The following ATRNL1 variants were observed in gnomAD, a reference collection of about 807,000 sequenced individuals.
ATRNL1 encodes attractin-like protein 1.
In ATRNL1, 95 loss-of-function variants were observed where a neutral mutation model predicts 182.7. The observed-to-expected ratio is 0.52, with a 90% CI of 0.44 to 0.62. The LOEUF (loss-of-function observed/expected upper bound fraction) is 0.62. Ranked by LOEUF, ATRNL1 falls within the 20% of genes least tolerant of loss-of-function variation. ATRNL1 has a pLI of 0.00. For synonymous variants in ATRNL1, 576 were observed against 568.3 expected (o/e 1.01, Z -0.19); for missense variants, 1,471 against 1,679.5 (o/e 0.88, Z 2.17).
chr10:115,171,407 C>A (rs782308398), intron 8 of ATRNL1, 115 bp downstream of exon 8: 4 of 905,504 alleles, frequency 4.4e-6, no homozygotes, highest in South Asian at 6.4e-5. Flanking sequence ...AAATTATAAG[C>A]TGATAATTAA....
chr10:115,227,709 A>G (rs1174618880), intron 9 of ATRNL1, among the ~76,000 whole-genome samples: 1 of 152,226 alleles, frequency 6.6e-6, no homozygotes, highest in Non-Finnish European at 1.5e-5. Flanking sequence ...AATGTGGTAC[A>G]TACATACCAC....
intron 21 of ATRNL1, among the ~76,000 whole-genome samples, chr10:115,447,363 A>G (rs1384489509): frequency 1.3e-5 from 2 of 151,574 alleles, no homozygotes; most frequent in Non-Finnish European, 3.0e-5. Flanking sequence ...ACCAAACTGT[A>G]TTTTGTTTTG....
At chr10:115,109,146 A>T (rs1218491105) in intron 1 of ATRNL1, among the ~76,000 whole-genome samples, 1 of 146,038 alleles carries the variant, frequency 6.8e-6, no homozygotes, top group Non-Finnish European at 1.5e-5. Context: ...TACCAATACA[A>T]GTTTTTTCTA....
chr10:115,763,211 A>G (rs1291256060), intron 27 of ATRNL1, among the ~76,000 whole-genome samples: 1 of 152,086 alleles, frequency 6.6e-6, no homozygotes, highest in Non-Finnish European at 1.5e-5. Flanking sequence ...TCATTCAAAA[A>G]TATTTATTGA....
chr10:115,529,939 A>G (rs901413792), intron 25 of ATRNL1, among the ~76,000 whole-genome samples: 6 of 152,140 alleles, frequency 3.9e-5, no homozygotes, highest in African/African-American at 9.7e-5. Context: ...CTTTCTGTCC[A>G]TAGATTTGCC....
intron 27 of ATRNL1, among the ~76,000 whole-genome samples, chr10:115,835,652 A>C (rs1353623334): frequency 6.6e-6 from 1 of 152,192 alleles, no homozygotes; most frequent in Non-Finnish European, 1.5e-5. Flanking sequence ...GCTAATAAAG[A>C]AATTTATCTT....
At chr10:115,765,965 A>T (rs1948847836) in intron 27 of ATRNL1, among the ~76,000 whole-genome samples, 1 of 33,108 alleles carries the variant, frequency 3.0e-5, no homozygotes, top group Admixed American at 4.7e-4. Flanking sequence ...TCTCCTTATT[A>T]ACCATCCTTT....
chr10:115,619,528 C>T (rs1309157452), intron 26 of ATRNL1, among the ~76,000 whole-genome samples: 1 of 152,180 alleles, frequency 6.6e-6, no homozygotes, highest in South Asian at 2.1e-4. Context: ...TGCAAGCATC[C>T]GTAGTGCTAT....
chr10:115,297,368 G>A (rs117346123), intron 15 of ATRNL1, among the ~76,000 whole-genome samples: 5,149 of 152,096 alleles, frequency 0.034, 123 homozygotes, highest in Non-Finnish European at 0.054. Context: ...CCGTCCGGGC[G>A]TGGTGGCTGA....
At chr10:115,578,236 A>G (rs1442566765) in intron 26 of ATRNL1, among the ~76,000 whole-genome samples, 1 of 151,780 alleles carries the variant, frequency 6.6e-6, no homozygotes, top group Admixed American at 6.6e-5. Flanking sequence ...TGTCTCTGTC[A>G]GCTTTGATGT....
intron 21 of ATRNL1, among the ~76,000 whole-genome samples, chr10:115,437,779 A>G (rs551001853): frequency 6.6e-6 from 1 of 152,138 alleles, no homozygotes; most frequent in South Asian, 2.1e-4. Context: ...TTCAGAAATA[A>G]CTACAGTGAA....
At chr10:115,304,693 A>T (rs1450161381) in intron 17 of ATRNL1, among the ~76,000 whole-genome samples, 1 of 152,242 alleles carries the variant, frequency 6.6e-6, no homozygotes, top group East Asian at 1.9e-4. Flanking sequence ...TCGGAAAAAA[A>T]CTGGCCTTCC....
chr10:115,825,465 A>G (rs570097824), intron 27 of ATRNL1, among the ~76,000 whole-genome samples: 45 of 152,266 alleles, frequency 3.0e-4, no homozygotes, highest in Admixed American at 8.5e-4. Context: ...TAGACTTTCT[A>G]TATTTAGACA....
chr10:115,584,133 T>G (rs1555008931), intron 26 of ATRNL1, among the ~76,000 whole-genome samples: 1 of 151,124 alleles, frequency 6.6e-6, no homozygotes, highest in African/African-American at 2.4e-5. Flanking sequence ...CTTTTTGATG[T>G]GCTGCTGGAT....
intron 26 of ATRNL1, among the ~76,000 whole-genome samples, chr10:115,590,355 C>T (rs1450988670): frequency 2.0e-5 from 3 of 152,050 alleles, no homozygotes; most frequent in Admixed American, 6.6e-5. Context: ...TTTTCTTTGG[C>T]AGTTTGCTTT....
chr10:115,108,448 GGCTGGTGGCAAATGT>G (rs1466239737), intron 1 of ATRNL1, among the ~76,000 whole-genome samples: 1 of 152,178 alleles, frequency 6.6e-6, no homozygotes. Context: ...GGAAAGGACT[GGCTGGTGGCAAATGT>G]GCCGAGTTTT....
intron 27 of ATRNL1, among the ~76,000 whole-genome samples, chr10:115,773,893 C>T (rs189525565): frequency 5.3e-5 from 8 of 152,246 alleles, no homozygotes; most frequent in Admixed American, 3.3e-4. Flanking sequence ...GTTCCTATCT[C>T]CCTCCCTTTT....
chr10:115,813,610 A>G (rs1950098455), intron 27 of ATRNL1, among the ~76,000 whole-genome samples: 1 of 152,218 alleles, frequency 6.6e-6, no homozygotes, highest in African/African-American at 2.4e-5. Flanking sequence ...GATTATCACT[A>G]ACATTTAAAT....
intron 12 of ATRNL1, among the ~76,000 whole-genome samples, chr10:115,268,051 G>A (rs1400331516): frequency 2.0e-5 from 3 of 152,016 alleles, no homozygotes; most frequent in South Asian, 2.1e-4. Context: ...ATGAGCTACC[G>A]TGCCTGGCCC....
Sources: allele counts gnomAD v4.1 joint callset (sites outside exome capture counted in the v4.1 genomes callset), GRCh38; gene constraint gnomAD v4.1.1; transcripts MANE v1.5; gene names NCBI Gene and HGNC (gene_info 2026-07-23, HGNC 2026-07-21).